ATG5: variants seen among roughly 807,000 people sequenced by gnomAD.
ATG5 encodes autophagy protein 5.
In ATG5, 14 loss-of-function variants were observed where a neutral mutation model predicts 36.5. The ratio of observed to expected loss-of-function variants is 0.38; its 90% CI spans 0.25 to 0.60. The LOEUF (loss-of-function observed/expected upper bound fraction) is 0.60, where lower values mean the gene tolerates loss of function less well. Ranked by LOEUF, ATG5 falls within the 20% of genes least tolerant of loss-of-function variation. ATG5 has a pLI of 0.60. For missense variants in ATG5, 195 were observed against 326.7 expected (o/e 0.60, Z 3.11); for synonymous variants, 95 against 101.5 (o/e 0.94, Z 0.38).
chr6:106,253,269 T>G (rs911735661), intron 5 of ATG5, among the ~76,000 whole-genome samples: 1 of 152,096 alleles, frequency 6.6e-6, no homozygotes, highest in African/African-American at 2.4e-5. Context: ...CCCTTGAAAA[T>G]TCATCATGAA....
chr6:106,254,226 C>A (rs1387488316), intron 5 of ATG5, among the ~76,000 whole-genome samples: 1 of 152,262 alleles, frequency 6.6e-6, no homozygotes, highest in East Asian at 1.9e-4. Flanking sequence ...CTTTCATAAT[C>A]CTAGGTAAGA....
intron 6 of ATG5, among the ~76,000 whole-genome samples, chr6:106,247,685 C>A (rs1199253045): frequency 1.3e-5 from 2 of 152,142 alleles, no homozygotes; most frequent in Non-Finnish European, 2.9e-5. Context: ...CATTTGGAGT[C>A]TGTTTTAAAC....
intron 5 of ATG5, among the ~76,000 whole-genome samples, chr6:106,269,334 CAG>C (rs1307387483): frequency 6.6e-6 from 1 of 152,224 alleles, no homozygotes; most frequent in Non-Finnish European, 1.5e-5. Flanking sequence ...ACGTCCCCAC[CAG>C]ACTCAGGAGC....
intron 5 of ATG5, among the ~76,000 whole-genome samples, chr6:106,255,408 A>T (rs2114535004): frequency 6.6e-6 from 1 of 152,298 alleles, no homozygotes; most frequent in East Asian, 1.9e-4. Context: ...TACCTCATGA[A>T]AACTCTGTAA....
At chr6:106,198,382 A>G (rs951516646) in intron 7 of ATG5, among the ~76,000 whole-genome samples, 1 of 152,214 alleles carries the variant, frequency 6.6e-6, no homozygotes, top group African/African-American at 2.4e-5. Context: ...TGTATTGCCT[A>G]TAAGAAAAAA....
At chr6:106,217,953 A>G (rs549266530) in intron 6 of ATG5, among the ~76,000 whole-genome samples, 1 of 152,336 alleles carries the variant, frequency 6.6e-6, no homozygotes, top group South Asian at 2.1e-4. Flanking sequence ...AAGTTTTAAA[A>G]TAGTATAAAC....
At chr6:106,217,329 A>G (rs940905247) in intron 6 of ATG5, 2 of 152,218 alleles carry the variant, frequency 1.3e-5, no homozygotes, top group African/African-American at 2.4e-5. Flanking sequence ...ATGAAGCTGA[A>G]AAGTTTTGAA....
chr6:106,324,908 T>C (rs573851560), intron 1 of ATG5, among the ~76,000 whole-genome samples: 29 of 152,336 alleles, frequency 1.9e-4, no homozygotes, highest in Non-Finnish European at 3.8e-4. Context: ...CTTTGGAAGT[T>C]CAGCTACTGT....
chr6:106,190,286 T>A (rs1035602051), intron 7 of ATG5, among the ~76,000 whole-genome samples: 5 of 152,182 alleles, frequency 3.3e-5, no homozygotes, highest in African/African-American at 4.8e-5. Flanking sequence ...TCTTGCTGTG[T>A]TCTCATATGG....
intron 4 of ATG5, among the ~76,000 whole-genome samples, chr6:106,288,964 G>A (rs1780196275): frequency 6.6e-6 from 1 of 151,936 alleles, no homozygotes; most frequent in South Asian, 2.1e-4. Context: ...GAGGCAACAG[G>A]ATCTCTTAGA....
At chr6:106,233,321 G>A (rs542516264) in intron 6 of ATG5, among the ~76,000 whole-genome samples, 3 of 152,176 alleles carry the variant, frequency 2.0e-5, no homozygotes, top group African/African-American at 4.8e-5. Flanking sequence ...CAGGTACGGC[G>A]AAATAGCCAG....
chr6:106,279,760 A>C lies in ATG5; in HGVS notation c.379T>G (p.Ser127Ala), dbSNP rs1404575559. 1 of 1,607,558 alleles carries C rather than the reference A, an allele frequency of 6.2e-7. No individual in the cohort carries two copies. The highest frequency in any genetic ancestry group is 1.3e-5 in the African/African-American group (1 of 74,870). The change falls in exon 5 of 8, where the codon TCA becomes GCA. Residue 127 changes from serine (S) to alanine (A), a missense_variant. Physicochemically the swap from Ser to Ala is moderately conservative, Grantham distance 99 (BLOSUM62 1). Coordinates refer to ENST00000369076, the MANE Select transcript of ATG5 (RefSeq NM_004849.4). ...AAAGCATCAGCTTCTTTCATACATG[A>C]CATAAAATGAGCTTCAATTGCATCC... ...SKDAIEAHFMSCMKEADALKH... is the reference protein window; with the variant it reads ...SKDAIEAHFMACMKEADALKH...
intron 5 of ATG5, among the ~76,000 whole-genome samples, chr6:106,261,836 G>C (rs745861858): frequency 6.6e-6 from 1 of 152,170 alleles, no homozygotes; most frequent in Non-Finnish European, 1.5e-5. Context: ...TATTACCGGG[G>C]GAGCGGGCAG....
At chr6:106,284,250 C>T (rs532700114) in intron 4 of ATG5, among the ~76,000 whole-genome samples, 2 of 152,310 alleles carry the variant, frequency 1.3e-5, no homozygotes, top group East Asian at 1.9e-4. Context: ...TGATGACATA[C>T]CAAACTGCTT....
intron 7 of ATG5, among the ~76,000 whole-genome samples, chr6:106,186,997 A>C (rs1221562228): frequency 6.6e-6 from 1 of 152,232 alleles, no homozygotes; most frequent in Non-Finnish European, 1.5e-5. Context: ...CCAATGACCA[A>C]AATTTATTTT....
intron 1 of ATG5, 63 bp from the exon 2 acceptor site, chr6:106,316,329 C>A (rs1475777357): frequency 1.4e-4 from 68 of 473,236 alleles, no homozygotes; most frequent in Middle Eastern, 3.1e-4. Flanking sequence ...TGCTAGAAAA[C>A]AAAAGATTAT....
chr6:106,248,828 C>T (rs915197083), intron 5 of ATG5, among the ~76,000 whole-genome samples: 1 of 152,086 alleles, frequency 6.6e-6, no homozygotes, highest in African/African-American at 2.4e-5. Flanking sequence ...TTCCCAGCTA[C>T]TTGGGAGGCT....
chr6:106,313,584 A>G (rs1770735405), intron 2 of ATG5, among the ~76,000 whole-genome samples: 1 of 152,260 alleles, frequency 6.6e-6, no homozygotes, highest in Non-Finnish European at 1.5e-5. Context: ...AAAGTTATCT[A>G]GTTTCTACAA....
intron 7 of ATG5, among the ~76,000 whole-genome samples, chr6:106,195,808 TAAAAAAAAAAA>T (rs35892579): frequency 4.4e-5 from 4 of 91,348 alleles, no homozygotes; most frequent in Non-Finnish European, 8.6e-5. Context: ...TGCTCCCCTC[TAAAAAAAAAAA>T]AAAAAAAAAA....
Sources: gnomAD v4.1 joint callset for allele counts (sites outside exome capture counted in the v4.1 genomes callset) on GRCh38, gnomAD v4.1.1 for gene constraint, MANE v1.5 for transcripts, NCBI Gene and HGNC (gene_info 2026-07-23, HGNC 2026-07-21) for gene names.